The following DNAH7 variants were observed in gnomAD, a reference collection of about 807,000 sequenced individuals.
DNAH7 encodes axonemal beta dynein heavy chain 7.
Under a neutral mutation model 444.6 loss-of-function variants are expected in DNAH7, and 397 were observed. That is an observed-to-expected ratio of 0.89 (90% confidence interval 0.82 to 0.97). DNAH7 has a LOEUF of 0.97. Ranked by LOEUF, DNAH7 falls within the 50% of genes least tolerant of loss-of-function variation. DNAH7 has a pLI of 0.00. For synonymous variants in DNAH7, 1,636 were observed against 1,624.4 expected (o/e 1.01, Z -0.17); for missense variants, 4,902 against 4,800.8 (o/e 1.02, Z -0.62).
chr2:196,047,462 T>TAATTTGCC lies in DNAH7; in HGVS notation c.280_287dup (p.Pro97AlafsTer46). On this transcript the variant is annotated frameshift_variant, in exon 5 of 65. Coordinates refer to ENST00000312428, the MANE Select transcript of DNAH7 (RefSeq NM_018897.3). LOFTEE classifies it high-confidence loss of function. ...CATAACTATCATCAACTTGGTGGGG[T>TAATTTGCC]AATTTGCCCTTTTTTCCAAAACGTT... 1.2e-6 allele frequency: 2 copies of TAATTTGCC among 1,600,392 alleles called. No homozygotes were observed. The highest frequency in any genetic ancestry group is 2.3e-5 in the South Asian group (2 of 88,220).
chr2:195,768,957 A>T (rs550383808), intron 61 of DNAH7, among the ~76,000 whole-genome samples: 1 of 152,188 alleles, frequency 6.6e-6, no homozygotes, highest in African/African-American at 2.4e-5. Context: ...AGAGAATGTG[A>T]TATAAAATTG....
intron 54 of DNAH7, among the ~76,000 whole-genome samples, chr2:195,804,610 A>G (rs145958667): frequency 6.6e-6 from 1 of 152,352 alleles, no homozygotes; most frequent in East Asian, 1.9e-4. Context: ...TTGGCTCAGC[A>G]GTCAAGCCTG....
chr2:195,938,508 G>A (rs1241310579), intron 19 of DNAH7, among the ~76,000 whole-genome samples: 6 of 147,586 alleles, frequency 4.1e-5, no homozygotes, highest in Non-Finnish European at 6.0e-5. Flanking sequence ...AAGCTGAATT[G>A]TGGCTAATAA....
chr2:196,024,141 G>A (rs1695539602), intron 8 of DNAH7, among the ~76,000 whole-genome samples: 1 of 152,068 alleles, frequency 6.6e-6, no homozygotes, highest in Admixed American at 6.6e-5. Context: ...GAGACACAAA[G>A]TGAGCACACA....
At chr2:195,826,605 C>A (rs757083512) in intron 48 of DNAH7, among the ~76,000 whole-genome samples, 6 of 152,100 alleles carry the variant, frequency 3.9e-5, no homozygotes, top group Non-Finnish European at 8.8e-5. Context: ...ATATTTTTGG[C>A]AGGGTGTTTT....
chr2:195,878,336 G>T (rs1245329531), intron 36 of DNAH7, among the ~76,000 whole-genome samples: 1 of 152,192 alleles, frequency 6.6e-6, no homozygotes. Flanking sequence ...GGTGGGTGTG[G>T]TGGCTCCAGC....
At chr2:195,980,085 A>T (rs865850147) in intron 15 of DNAH7, among the ~76,000 whole-genome samples, 1,830 of 125,812 alleles carry the variant, frequency 0.015, 57 homozygotes, top group Admixed American at 0.08. Context: ...AAAAAAAAAA[A>T]ACTAGAGGAG....
At chr2:195,980,570 A>C (rs1172022515) in intron 15 of DNAH7, among the ~76,000 whole-genome samples, 1 of 152,216 alleles carries the variant, frequency 6.6e-6, no homozygotes, top group Admixed American at 6.5e-5. Context: ...GAAAACTTTA[A>C]GATAATATCT....
chr2:195,969,478 G>T (rs1260464874), intron 17 of DNAH7, among the ~76,000 whole-genome samples: 1 of 152,148 alleles, frequency 6.6e-6, no homozygotes, highest in Non-Finnish European at 1.5e-5. Context: ...TGAAAAAGCT[G>T]ATTTCTGAAA....
At chr2:195,852,952 A>G (rs1699472372) in intron 46 of DNAH7, among the ~76,000 whole-genome samples, 1 of 150,188 alleles carries the variant, frequency 6.7e-6, no homozygotes, top group Admixed American at 6.6e-5. Context: ...AGAGAGACAG[A>G]GTTCTGATAC....
chr2:195,900,232 G>A (rs1442836451), intron 28 of DNAH7, 50 bp downstream of exon 28: 3 of 1,584,148 alleles, frequency 1.9e-6, no homozygotes, highest in Non-Finnish European at 2.6e-6. Flanking sequence ...CCATTAGGCT[G>A]GAAATCTACA....
chr2:196,061,516 A>G (rs1213673323), intron 1 of DNAH7, among the ~76,000 whole-genome samples: 1 of 152,210 alleles, frequency 6.6e-6, no homozygotes, highest in Non-Finnish European at 1.5e-5. Flanking sequence ...CACCATTAAC[A>G]CCATTATTTA....
rs750996989 is a variant in DNAH7, at chr2:195,809,914, T to C, written c.9762-43A>G. ...ATAAAGGAAATAAATAAAAATATAC[T>C]TTAAAGATAATGCTCTTAAGAAACT... On this transcript the variant is annotated intron_variant, in intron 51 of 64. Transcript: ENST00000312428. 47 of 1,415,708 alleles carry C rather than the reference T, an allele frequency of 3.3e-5. 1 individual carries two copies. The South Asian group carries it at 7.5e-4, about 22-fold the overall frequency. 87.7% of individuals were successfully genotyped at this position (1,415,708 alleles called of 1,614,324 possible).
chr2:195,888,578 G>T, intron 32 of DNAH7, 144 bp from the exon 33 acceptor site: 1 of 1,019,992 alleles, frequency 9.8e-7, no homozygotes, highest in Non-Finnish European at 1.4e-6. Flanking sequence ...GTCGATTTTT[G>T]TGTCTGACTT....
At chr2:195,976,786 A>AGAGAGAGAGAGAGACT (rs1243336641) in intron 15 of DNAH7, among the ~76,000 whole-genome samples, 2 of 147,410 alleles carry the variant, frequency 1.4e-5, no homozygotes, top group Non-Finnish European at 3.0e-5. Context: ...AGAGAGAGAG[A>AGAGAGAGAGAGAGACT]GACTCTCTAA....
chr2:195,999,075 G>A (rs115481858), intron 12 of DNAH7: 19,823 of 716,022 alleles, frequency 0.028, 378 homozygotes, highest in Non-Finnish European at 0.037. Flanking sequence ...CCTCAAGGTC[G>A]AGCAAAGTTG....
At chr2:195,798,507 T>C (rs941773600) in intron 55 of DNAH7, among the ~76,000 whole-genome samples, 2 of 151,786 alleles carry the variant, frequency 1.3e-5, no homozygotes, top group African/African-American at 4.8e-5. Context: ...TTTGAATTAA[T>C]TTTTAAAGAC....
At chr2:195,876,161 G>A (rs1701041215) in intron 37 of DNAH7, among the ~76,000 whole-genome samples, 2 of 152,256 alleles carry the variant, frequency 1.3e-5, no homozygotes, top group South Asian at 4.1e-4. Context: ...CATGAAAATA[G>A]ATGAGAAAAG....
chr2:196,019,981 C>T (rs953265806), intron 8 of DNAH7, among the ~76,000 whole-genome samples: 5 of 151,328 alleles, frequency 3.3e-5, no homozygotes, highest in African/African-American at 1.2e-4. Flanking sequence ...CCTCCTTCAC[C>T]TCCTCTTCCT....
Sources: allele counts gnomAD v4.1 joint callset (sites outside exome capture counted in the v4.1 genomes callset), GRCh38; gene constraint gnomAD v4.1.1; transcripts MANE v1.5; gene names NCBI Gene and HGNC (gene_info 2026-07-23, HGNC 2026-07-21).